The following FUT8 variants were observed in gnomAD, a reference collection of about 807,000 sequenced individuals.
FUT8 encodes the protein fucosyltransferase 8.
FUT8 carries 29 observed loss-of-function variants against 71.3 expected under a neutral mutation model. That is an observed-to-expected ratio of 0.41 (90% CI 0.30 to 0.55). FUT8 has a LOEUF of 0.55. Ranked by LOEUF, FUT8 falls within the 20% of genes least tolerant of loss-of-function variation. The pLI, the probability that FUT8 is intolerant of heterozygous loss-of-function variation, is 0.34. For missense variants in FUT8, 544 were observed against 702.1 expected (o/e 0.77, Z 2.55); for synonymous variants, 254 against 239.3 (o/e 1.06, Z -0.57).
At chr14:65,578,843 G>C (rs916218627) in intron 3 of FUT8, among the ~76,000 whole-genome samples, 1 of 152,046 alleles carries the variant, frequency 6.6e-6, no homozygotes. Context: ...TGCTTTTCTT[G>C]TTATTGTTGC....
In FUT8 at chr14:65,571,329, G is replaced by C. The variant is rs147646507; in HGVS notation, c.203+9563G>C. On this transcript the variant is annotated intron_variant, in intron 3 of 10. Coordinates refer to ENST00000673929, the MANE Select transcript of FUT8 (RefSeq NM_001371533.1). ...TAGAACTCAGGAAAAAAGCCCAGGTGAGAGAGAAATATGACTTTGGGAATC... is the reference window on the plus strand; with the variant it reads ...TAGAACTCAGGAAAAAAGCCCAGGTCAGAGAGAAATATGACTTTGGGAATC... Among the ~76,000 whole-genome samples, 771 of 152,212 alleles carry C rather than the reference G, an allele frequency of 5.1e-3. 4 individuals carry two copies. Among genetic ancestry groups the C allele is most frequent in the Non-Finnish European group, 7.9e-3 (537 of 68,008 alleles).
intron 2 of FUT8, among the ~76,000 whole-genome samples, chr14:65,519,030 T>C (rs1172633081): frequency 6.6e-6 from 1 of 152,126 alleles, no homozygotes; most frequent in Non-Finnish European, 1.5e-5. Context: ...GTACTGGAAA[T>C]ACAGCAATGA....
rs374236653 is a variant in FUT8 at position 65,616,211 on chromosome 14, G to T, written c.320G>T (p.Gly107Val). The T allele has an allele frequency of 3.7e-6, 6 of 1,603,738 alleles. No individual in the cohort carries two copies. Among genetic ancestry groups the T allele is most frequent in the Non-Finnish European group, 5.1e-6 (6 of 1,175,742 alleles). Residue 107 changes from glycine (G) to valine (V), a missense_variant and splice_region_variant, in exon 5 of 11, where the codon GGT becomes GTT. Gly to Val is a moderately radical substitution (Grantham distance 109, BLOSUM62 -3). Coordinates refer to ENST00000673929, the MANE Select transcript of FUT8 (RefSeq NM_001371533.1). ...IENYKKQTRN[G>V]LGKDHEILRR... ...ACAACTCTCTATTCTTTGACTACAGGTCTGGGGAAGGATCATGAAATCCTG... is the reference window on the plus strand; with the variant it reads ...ACAACTCTCTATTCTTTGACTACAGTTCTGGGGAAGGATCATGAAATCCTG...
intron 2 of FUT8, among the ~76,000 whole-genome samples, chr14:65,506,165 T>G (rs1594712121): frequency 6.6e-6 from 1 of 152,234 alleles, no homozygotes; most frequent in Non-Finnish European, 1.5e-5. Flanking sequence ...TTTGTAATGG[T>G]TCTTTCGGAT....
intron 2 of FUT8, among the ~76,000 whole-genome samples, chr14:65,535,787 A>T (rs1490449889): frequency 6.6e-6 from 1 of 152,130 alleles, no homozygotes; most frequent in African/African-American, 2.4e-5. Flanking sequence ...ATAGATGTCC[A>T]TTTGGATCTA....
chr14:65,679,924 G>A (rs1892956293), intron 7 of FUT8, among the ~76,000 whole-genome samples: 1 of 152,122 alleles, frequency 6.6e-6, no homozygotes, highest in Non-Finnish European at 1.5e-5. Context: ...ATTTGTTAGT[G>A]TGTTGTCTAT....
chr14:65,430,689 G>A (rs2065459555), intron 1 of FUT8, among the ~76,000 whole-genome samples: 1 of 152,140 alleles, frequency 6.6e-6, no homozygotes, highest in South Asian at 2.1e-4. Context: ...CAGAGCATGA[G>A]AGCAAGACTA....
intron 9 of FUT8, among the ~76,000 whole-genome samples, chr14:65,731,412 C>T (rs10144701): frequency 0.01 from 1,587 of 152,116 alleles, 29 homozygotes; most frequent in African/African-American, 0.037. Context: ...ATTATTATTC[C>T]CAGTATCTGA....
intron 2 of FUT8, among the ~76,000 whole-genome samples, chr14:65,533,975 C>T (rs1884119380): frequency 6.6e-6 from 1 of 152,048 alleles, no homozygotes. Flanking sequence ...AGGGATAAGC[C>T]CTACTTGATC....
At chr14:65,388,631 G>A in the FUT8 span, among the ~76,000 whole-genome samples, 1 of 152,068 alleles carries the variant, frequency 6.6e-6, no homozygotes, top group African/African-American at 2.4e-5. Flanking sequence ...GCGTGATGGT[G>A]TGCACCTGTA....
At chr14:65,427,117 C>T (rs1339627746) in intron 1 of FUT8, among the ~76,000 whole-genome samples, 1 of 152,160 alleles carries the variant, frequency 6.6e-6, no homozygotes, top group East Asian at 1.9e-4. Context: ...CCGCCTTGGC[C>T]TCCTGAAGTG....
chr14:65,514,556 A>G (rs1467363705), intron 2 of FUT8, among the ~76,000 whole-genome samples: 1 of 152,202 alleles, frequency 6.6e-6, no homozygotes, highest in Non-Finnish European at 1.5e-5. Context: ...CAGAAAGTCC[A>G]TCTTATCTAT....
chr14:65,612,871 G>A (rs1889072026), intron 3 of FUT8, among the ~76,000 whole-genome samples: 1 of 152,182 alleles, frequency 6.6e-6, no homozygotes, highest in African/African-American at 2.4e-5. Context: ...GCTAGAAGTG[G>A]AAGTCTTATA....
chr14:65,410,764 G>T (rs1323758705), upstream of FUT8: 1 of 151,884 alleles, frequency 6.6e-6, no homozygotes, highest in African/African-American at 2.4e-5. Context: ...ACTAGAAGTA[G>T]TTCTTTTTTT....
At chr14:65,392,595 G>T in the FUT8 span, among the ~76,000 whole-genome samples, 1 of 152,026 alleles carries the variant, frequency 6.6e-6, no homozygotes, top group South Asian at 2.1e-4. Flanking sequence ...AGAATACGAA[G>T]AATAAGATTC....
At chr14:65,594,659 A>G (rs1887869294) in intron 3 of FUT8, among the ~76,000 whole-genome samples, 1 of 152,074 alleles carries the variant, frequency 6.6e-6, no homozygotes, top group Non-Finnish European at 1.5e-5. Context: ...AATATAGAGA[A>G]TTTTATTGAG....
At chr14:65,388,023 G>C in the FUT8 span, among the ~76,000 whole-genome samples, 1 of 152,198 alleles carries the variant, frequency 6.6e-6, no homozygotes, top group African/African-American at 2.4e-5. Context: ...ATAAGATGAA[G>C]AGGTTGGTCT....
intron 7 of FUT8, among the ~76,000 whole-genome samples, chr14:65,684,900 C>T (rs1036886152): frequency 1.1e-4 from 17 of 152,112 alleles, no homozygotes; most frequent in South Asian, 4.1e-4. Flanking sequence ...TTCATAGCAG[C>T]GTGAAAATGG....
chr14:65,379,544 A>C, the FUT8 span, among the ~76,000 whole-genome samples: 12 of 152,012 alleles, frequency 7.9e-5, no homozygotes, highest in African/African-American at 1.2e-4. Flanking sequence ...CAAAAAACAA[A>C]AAAAAAAAGT....
Sources: gnomAD v4.1 joint callset for allele counts (sites outside exome capture counted in the v4.1 genomes callset) on GRCh38, gnomAD v4.1.1 for gene constraint, MANE v1.5 for transcripts, NCBI Gene and HGNC (gene_info 2026-07-23, HGNC 2026-07-21) for gene names.